Variants in UNC13C observed in about 807,000 individuals in gnomAD.
UNC13C encodes the protein unc-13 homolog C.
Under a neutral mutation model 245.4 loss-of-function variants are expected in UNC13C, and 174 were observed. The ratio of observed to expected loss-of-function variants is 0.71; its 90% CI spans 0.63 to 0.80. UNC13C has a LOEUF of 0.80. Ranked by LOEUF, UNC13C falls within the 30% of genes least tolerant of loss-of-function variation. The pLI, the probability that UNC13C is intolerant of heterozygous loss-of-function variation, is 0.00. For synonymous variants in UNC13C, 992 were observed against 895.1 expected (o/e 1.11, Z -1.93); for missense variants, 2,829 against 2,602.9 (o/e 1.09, Z -1.89).
intron 18 of UNC13C, among the ~76,000 whole-genome samples, chr15:54,394,449 A>G (rs1329794333): frequency 6.6e-6 from 1 of 151,684 alleles, no homozygotes; most frequent in Non-Finnish European, 1.5e-5. Flanking sequence ...TCTTCTCTTA[A>G]TCTATAACAT....
At chr15:53,984,549 G>A (rs757600600) in intron 1 of UNC13C, among the ~76,000 whole-genome samples, 9 of 152,098 alleles carry the variant, frequency 5.9e-5, no homozygotes, top group Non-Finnish European at 1.0e-4. Flanking sequence ...AGAAAATAAT[G>A]ACACTATAAA....
At chr15:54,114,432 A>G (rs776654894) in intron 2 of UNC13C, among the ~76,000 whole-genome samples, 14 of 152,242 alleles carry the variant, frequency 9.2e-5, no homozygotes, top group Admixed American at 3.9e-4. Context: ...TTGTGATTTT[A>G]AATTTTTTAT....
chr15:54,058,148 C>A lies in UNC13C; in HGVS notation c.2983+42262C>A, dbSNP rs6493662. Among the ~76,000 whole-genome samples, 202 of 151,936 alleles carry A rather than the reference C, an allele frequency of 1.3e-3. 4 individuals are homozygous for A. In the South Asian group the frequency reaches 0.041, roughly 31 times the overall value. ...GAAGGAAATAGAGACACAAAAAACC[C>A]TTCAAAAAATCAATGAATCCAGGAG... On this transcript the variant is annotated intron_variant, in intron 2 of 32. Coordinates refer to ENST00000260323, the MANE Select transcript of UNC13C (RefSeq NM_001080534.3).
the UNC13C span, among the ~76,000 whole-genome samples, chr15:53,953,170 T>C: frequency 6.6e-6 from 1 of 152,258 alleles, no homozygotes; most frequent in Admixed American, 6.5e-5. Context: ...AGAATTCTTC[T>C]TTTCCTCAGA....
At chr15:54,315,715 G>A (rs757138470) in intron 13 of UNC13C, among the ~76,000 whole-genome samples, 4 of 151,742 alleles carry the variant, frequency 2.6e-5, no homozygotes, top group African/African-American at 4.8e-5. Context: ...TAAGCTCATA[G>A]TTGACTAGAT....
intron 19 of UNC13C, among the ~76,000 whole-genome samples, chr15:54,435,673 G>A (rs1025489648): frequency 2.4e-4 from 36 of 151,412 alleles, no homozygotes; most frequent in African/African-American, 8.7e-4. Flanking sequence ...CATGGCACAT[G>A]TATACCTATG....
intron 4 of UNC13C, among the ~76,000 whole-genome samples, chr15:54,189,472 C>T (rs1354392053): frequency 6.6e-6 from 1 of 152,024 alleles, no homozygotes; most frequent in Non-Finnish European, 1.5e-5. Flanking sequence ...AAATGAGCTC[C>T]ACAAGTAATA....
Position 54,605,528 on chromosome 15 carries a change from A to T in UNC13C, c.6107-16799A>T, listed in dbSNP as rs200507104. Among the ~76,000 whole-genome samples, 139 of 152,056 alleles carry T rather than the reference A, an allele frequency of 9.1e-4. 1 individual carries two copies. The East Asian group carries it at 0.015, about 16-fold the overall frequency. Reference sequence around the variant, plus strand: ...TCAAAACTACCTACAGCCCTTTTTTAAAAAAAATGTAGCTGCTGGAGCTCC... The same window carrying T: ...TCAAAACTACCTACAGCCCTTTTTTTAAAAAAATGTAGCTGCTGGAGCTCC... On this transcript the variant is annotated intron_variant, in intron 30 of 32. Coordinates refer to ENST00000260323, the MANE Select transcript of UNC13C (RefSeq NM_001080534.3).
At chr15:54,614,430 T>A (rs192316271) in intron 30 of UNC13C, among the ~76,000 whole-genome samples, 1 of 151,978 alleles carries the variant, frequency 6.6e-6, no homozygotes, top group South Asian at 2.1e-4. Context: ...CCTGAAAATA[T>A]GTAACTTTCC....
chr15:54,041,605 T>C (rs1305794427), intron 2 of UNC13C, among the ~76,000 whole-genome samples: 1 of 152,202 alleles, frequency 6.6e-6, no homozygotes, highest in Admixed American at 6.5e-5. Flanking sequence ...GATTCGGAGA[T>C]AATTGTCTTG....
intron 2 of UNC13C, among the ~76,000 whole-genome samples, chr15:54,126,385 T>C (rs927221494): frequency 6.6e-6 from 1 of 152,096 alleles, no homozygotes; most frequent in Non-Finnish European, 1.5e-5. Flanking sequence ...AAGAGGCACA[T>C]TATATAATGA....
intron 19 of UNC13C, among the ~76,000 whole-genome samples, chr15:54,458,680 C>CTTTTTTTTTTTTTTTT (rs79291504): frequency 6.1e-5 from 4 of 65,970 alleles, no homozygotes; most frequent in East Asian, 5.9e-4. Context: ...CCTTTAAGGT[C>CTTTTTTTTTTTTTTTT]TTTTTTTTTT....
At chr15:54,108,363 A>G (rs13379646) in intron 2 of UNC13C, among the ~76,000 whole-genome samples, 2 of 151,742 alleles carry the variant, frequency 1.3e-5, no homozygotes, top group Non-Finnish European at 2.9e-5. Flanking sequence ...ATTTTTTTGT[A>G]TTTTTAGTAG....
chr15:54,018,308 T>C (rs1026793784), intron 2 of UNC13C, among the ~76,000 whole-genome samples: 3 of 152,184 alleles, frequency 2.0e-5, no homozygotes, highest in African/African-American at 7.2e-5. Flanking sequence ...TCTCCATAAG[T>C]AACCTTAGCC....
chr15:54,056,439 T>G lies in UNC13C; in HGVS notation c.2983+40553T>G, dbSNP rs533178392. Reference sequence around the variant, plus strand: ...AGAATAAAAAGAAATGCACAAAGCCTCCAAGAAATATGGGACTATGTGAAA... The same window carrying G: ...AGAATAAAAAGAAATGCACAAAGCCGCCAAGAAATATGGGACTATGTGAAA... On this transcript the variant is annotated intron_variant, in intron 2 of 32. Coordinates refer to ENST00000260323, the MANE Select transcript of UNC13C (RefSeq NM_001080534.3). Among the ~76,000 whole-genome samples, 14 of 152,220 alleles carry G rather than the reference T, an allele frequency of 9.2e-5. No individual in the cohort carries two copies. In the South Asian group the frequency reaches 2.9e-3, roughly 32 times the overall value.
At position 54,200,064 on chromosome 15, in the gene UNC13C, A is replaced by G. The variant is rs1444478861; in HGVS notation, c.3072-34966A>G. On this transcript the variant is annotated intron_variant, in intron 4 of 32. Coordinates refer to ENST00000260323, the MANE Select transcript of UNC13C (RefSeq NM_001080534.3). ...TATCAGACAAAACAAACTTTAAAGCAATAGCGGTTAAAAAAGACAAAGAGA... is the reference window on the plus strand; with the variant it reads ...TATCAGACAAAACAAACTTTAAAGCGATAGCGGTTAAAAAAGACAAAGAGA... Among the ~76,000 whole-genome samples the G allele has an allele frequency of 2.8e-5, 4 of 145,382 alleles. No homozygotes were observed. In the East Asian group the frequency reaches 8.3e-4, roughly 30 times the overall value.
chr15:54,105,204 T>C (rs1900377111), intron 2 of UNC13C, among the ~76,000 whole-genome samples: 2 of 152,188 alleles, frequency 1.3e-5, no homozygotes, highest in African/African-American at 2.4e-5. Context: ...CTTCTCAGAG[T>C]TAATTTCTCA....
chr15:53,864,976 C>T, the UNC13C span, among the ~76,000 whole-genome samples: 12 of 152,220 alleles, frequency 7.9e-5, no homozygotes, highest in South Asian at 2.5e-3. Flanking sequence ...GAATTCTTAG[C>T]CTTGGACCAA....
intron 4 of UNC13C, among the ~76,000 whole-genome samples, chr15:54,197,812 C>T (rs1017764448): frequency 6.6e-6 from 1 of 152,066 alleles, no homozygotes; most frequent in South Asian, 2.1e-4. Flanking sequence ...CTAGGAAAGT[C>T]GAGAGAGTTC....
Sources: allele counts gnomAD v4.1 joint callset (sites outside exome capture counted in the v4.1 genomes callset), GRCh38; gene constraint gnomAD v4.1.1; transcripts MANE v1.5; gene names NCBI Gene and HGNC (gene_info 2026-07-23, HGNC 2026-07-21).